Variants in GPR107 observed in about 807,000 individuals in gnomAD.
GPR107 encodes the protein protein GPR107.
A neutral mutation model predicts 75.5 loss-of-function variants in GPR107; 31 were observed. The observed-to-expected ratio is 0.41, with a 90% confidence interval of 0.31 to 0.55. GPR107 has a LOEUF of 0.55. Ranked by LOEUF, GPR107 falls within the 20% of genes least tolerant of loss-of-function variation. GPR107 has a pLI of 0.26. For synonymous variants in GPR107, 267 were observed against 251.3 expected, an observed-to-expected ratio of 1.06 and a Z score of -0.59; for missense variants, 572 against 665.7, an observed-to-expected ratio of 0.86 and a Z score of 1.55.
At chr9:130,091,607 C>T (rs1830741648) in intron 8 of GPR107, among the ~76,000 whole-genome samples, 1 of 151,164 alleles carries the variant, frequency 6.6e-6, no homozygotes, top group African/African-American at 2.4e-5. Flanking sequence ...TGCCTCACCG[C>T]AACCTCCATC....
chr9:130,054,791 G>A (rs932941482), intron 1 of GPR107, among the ~76,000 whole-genome samples: 1 of 152,164 alleles, frequency 6.6e-6, no homozygotes, highest in Admixed American at 6.5e-5. Flanking sequence ...CTATATCTGG[G>A]AAATTGTCCA....
At chr9:130,108,992 C>CT (rs11316244) in intron 14 of GPR107, among the ~76,000 whole-genome samples, 23,591 of 66,106 alleles carry the variant, frequency 0.36, 3,329 homozygotes, top group Non-Finnish European at 0.37. Context: ...TGGGGATATT[C>CT]TTTTTTTTTT....
At position 130,103,806 on chromosome 9, in the gene GPR107, T is replaced by C. The variant is rs538230600; in HGVS notation, c.1132-614T>C. Among the ~76,000 whole-genome samples, 2 of 152,336 alleles carry C rather than the reference T, an allele frequency of 1.3e-5. No individual in the cohort carries two copies. Among genetic ancestry groups the C allele is most frequent in the African/African-American group, 2.4e-5 (1 of 41,572 alleles). On this transcript the variant is annotated intron_variant, in intron 12 of 17. Transcript: ENST00000347136. This position sits in a 1 kb window ranked among gnomAD's most constrained non-coding sequence, Gnocchi z 4.3. Reference sequence around the variant, plus strand: ...CCTGAAAAGCAAAGTGTCCCTGTTATCTACTGCTGCATAACAAATCACCCC... The same window carrying C: ...CCTGAAAAGCAAAGTGTCCCTGTTACCTACTGCTGCATAACAAATCACCCC...
intron 1 of GPR107, among the ~76,000 whole-genome samples, chr9:130,068,447 A>G (rs1711999340): frequency 3.1e-4 from 1 of 3,246 alleles, no homozygotes; most frequent in Non-Finnish European, 1.8e-3. Flanking sequence ...AAAGTAAAAC[A>G]AAACACTGTG....
chr9:130,080,886 G>T (rs900829255), intron 5 of GPR107, among the ~76,000 whole-genome samples: 3 of 151,308 alleles, frequency 2.0e-5, no homozygotes, highest in Admixed American at 2.0e-4. Flanking sequence ...TAACTGTCAG[G>T]TTCATCTGAT....
chr9:130,107,223 C>T (rs1052169847), intron 13 of GPR107, among the ~76,000 whole-genome samples: 1 of 152,078 alleles, frequency 6.6e-6, no homozygotes, highest in African/African-American at 2.4e-5. Flanking sequence ...TTAACAGGAG[C>T]ATTAAATGAT....
At chr9:130,055,659 G>A (rs1327209732) in intron 1 of GPR107, among the ~76,000 whole-genome samples, 1 of 151,764 alleles carries the variant, frequency 6.6e-6, no homozygotes, top group East Asian at 2.0e-4. Context: ...TAAAAGCCTG[G>A]CTTGACTGGG....
intron 4 of GPR107, among the ~76,000 whole-genome samples, chr9:130,078,164 CAA>C (rs201310482): frequency 3.2e-4 from 32 of 98,644 alleles, no homozygotes; most frequent in Non-Finnish European, 3.3e-4. Context: ...GACTCCGTCT[CAA>C]AAAAAAAAAA....
At chr9:130,107,661 G>C (rs987163083) in intron 14 of GPR107, 122 bp downstream of exon 14, 3 of 759,688 alleles carry the variant, frequency 3.9e-6, no homozygotes, top group Admixed American at 3.7e-5. Context: ...AGGAGAGCTA[G>C]GGGAGGCCTG....
intron 1 of GPR107, among the ~76,000 whole-genome samples, chr9:130,057,486 T>A (rs1340386367): frequency 7.4e-6 from 1 of 135,158 alleles, no homozygotes. Flanking sequence ...GGGGACAGAG[T>A]GAGACCCTAT....
intron 7 of GPR107, among the ~76,000 whole-genome samples, chr9:130,089,588 C>T (rs1830685992): frequency 6.6e-6 from 1 of 152,104 alleles, no homozygotes; most frequent in African/African-American, 2.4e-5. Flanking sequence ...GTTTTTTTCT[C>T]TAAGGGTCAG....
At chr9:130,095,434 C>T (rs1319407864) in intron 9 of GPR107, among the ~76,000 whole-genome samples, 1 of 151,992 alleles carries the variant, frequency 6.6e-6, no homozygotes, top group Non-Finnish European at 1.5e-5. Flanking sequence ...CTCGCTCTGT[C>T]GCCAGGCTGG....
At chr9:130,098,163 T>C (rs1194152466) in intron 9 of GPR107, among the ~76,000 whole-genome samples, 1 of 152,220 alleles carries the variant, frequency 6.6e-6, no homozygotes, top group Non-Finnish European at 1.5e-5. Context: ...ATTACAGGCA[T>C]GAGCCACTGC....
In GPR107 at chr9:130,136,412, C is replaced by T. The variant is rs572572492; in HGVS notation, c.*1291C>T. 1.3e-5 allele frequency: 2 copies of T among 152,224 alleles called. No homozygotes were observed. The highest frequency in any genetic ancestry group is 2.9e-5 in the Non-Finnish European group (2 of 68,012). The allele number at this position is 152,224 out of a possible 1,614,324, so 9.4% of individuals were successfully genotyped here. A position where few individuals can be genotyped will look rare whatever the true frequency, so the allele number is the denominator to read the frequency against. ...GCTTAAAAGGAGACCAAAACATGGC[C>T]CCATCAGGGAAGCTTCTTAATGCTT... On this transcript the variant is annotated 3_prime_UTR_variant, in exon 18 of 18. Transcript: ENST00000347136.
chr9:130,114,029 C>CTTTTTTTTTTTTTTTTTTTTTTTTT (rs60616601), intron 14 of GPR107, among the ~76,000 whole-genome samples: 2 of 90,658 alleles, frequency 2.2e-5, no homozygotes, highest in Admixed American at 1.4e-4. Flanking sequence ...TCTTCTCATT[C>CTTTTTTTTTTTTTTTTTTTTTTTTT]TTTTTTTTTT....
chr9:130,117,154 C>T (rs55796848), intron 14 of GPR107, among the ~76,000 whole-genome samples: 1,647 of 152,166 alleles, frequency 0.011, 30 homozygotes, highest in African/African-American at 0.038. Flanking sequence ...ACCATGTTGG[C>T]CAGGCTGGTC....
intron 6 of GPR107, among the ~76,000 whole-genome samples, chr9:130,086,193 G>A (rs1324447420): frequency 1.3e-5 from 2 of 152,120 alleles, no homozygotes; most frequent in African/African-American, 4.8e-5. Context: ...GTGGAGGTAG[G>A]GGTTAGTGCA....
At chr9:130,097,398 T>G (rs1165134838) in intron 9 of GPR107, among the ~76,000 whole-genome samples, 1 of 151,756 alleles carries the variant, frequency 6.6e-6, no homozygotes, top group African/African-American at 2.4e-5. Context: ...CAAGAGATCC[T>G]CCCGCCTCGG....
intron 1 of GPR107, among the ~76,000 whole-genome samples, chr9:130,074,052 C>G (rs950025155): frequency 1.6e-4 from 24 of 152,174 alleles, no homozygotes; most frequent in African/African-American, 5.6e-4. Context: ...CCACCACGCC[C>G]GGCCGAGTCC....
Sources: allele counts gnomAD v4.1 joint callset (sites outside exome capture counted in the v4.1 genomes callset), GRCh38; gene constraint gnomAD v4.1.1; non-coding constraint Gnocchi (gnomAD v3.1); transcripts MANE v1.5; gene names NCBI Gene and HGNC (gene_info 2026-07-23, HGNC 2026-07-21).